Variants in EIF3I observed in about 807,000 individuals in gnomAD.
The protein encoded by EIF3I is TGF-beta receptor-interacting protein 1.
A neutral mutation model predicts 43.3 loss-of-function variants in EIF3I; 20 were observed. The observed-to-expected ratio is 0.46, with a 90% confidence interval of 0.32 to 0.67. The LOEUF (loss-of-function observed/expected upper bound fraction) is 0.67. EIF3I is among the 30% of genes least tolerant of loss of function. The probability of loss-of-function intolerance (pLI) is 0.03; values close to 1 mark genes in which losing one functional copy is unlikely to be tolerated. For missense variants in EIF3I, 279 were observed against 421.4 expected, an observed-to-expected ratio of 0.66 and a Z score of 2.96; for synonymous variants, 167 against 151.7, an observed-to-expected ratio of 1.10 and a Z score of -0.74.
At chr1:32,228,474 A>G (rs1471027530) in intron 6 of EIF3I, 25 bp from the exon 7 acceptor site, 1 of 1,596,582 alleles carries the variant, frequency 6.3e-7, no homozygotes, top group Non-Finnish European at 8.6e-7. Context: ...GGGCCCATTC[A>G]GTGTCACTCT....
intron 10 of EIF3I, 147 bp from the exon 10 acceptor site, chr1:32,230,780 C>T (rs879268488): frequency 4.8e-5 from 28 of 579,958 alleles, no homozygotes; most frequent in East Asian, 7.0e-5. Context: ...ACCGAGATTG[C>T]GCCACTGTAC....
At chr1:32,229,066 T>C in intron 8 of EIF3I, 69 bp from the exon 9 acceptor site, 3 of 1,511,650 alleles carry the variant, frequency 2.0e-6, no homozygotes, top group Non-Finnish European at 1.8e-6. Flanking sequence ...AAAATGTATA[T>C]GGCAGCAGAA....
chr1:32,228,528 G>A (rs2124265881), exon 7 of EIF3I: 2 of 1,614,156 alleles, frequency 1.2e-6, no homozygotes, highest in Non-Finnish European at 8.5e-7. Flanking sequence ...ATGTTAAGGA[G>A]CACTCCCGGC....
chr1:32,228,782 T>C, exon 8 of EIF3I: 1 of 1,614,140 alleles, frequency 6.2e-7, no homozygotes, highest in East Asian at 2.2e-5. Flanking sequence ...GAACGTCCTG[T>C]CAACTCAGCT....
downstream of EIF3I, chr1:32,231,652 C>T (rs1326778455): frequency 5.7e-6 from 1 of 175,090 alleles, no homozygotes; most frequent in African/African-American, 2.4e-5. Context: ...GACACCCCAG[C>T]AAGCTGATGC....
chr1:32,222,923 C>A (rs866277221), intron 2 of EIF3I, among the ~76,000 whole-genome samples: 2 of 152,210 alleles, frequency 1.3e-5, no homozygotes, highest in East Asian at 3.9e-4. Flanking sequence ...GTAGTAAGAC[C>A]CATCTCTACA....
intron 2 of EIF3I, 125 bp downstream of exon 2, chr1:32,222,755 C>T: frequency 1.1e-6 from 1 of 949,116 alleles, no homozygotes; most frequent in Non-Finnish European, 1.6e-6. Flanking sequence ...TAGGGAGAGG[C>T]CATGCCGGGG....
chr1:32,228,902 T>C (rs1639191187), intron 8 of EIF3I, 86 bp downstream of exon 8: 7 of 1,233,110 alleles, frequency 5.7e-6, no homozygotes, highest in Non-Finnish European at 8.2e-6. Context: ...GCTACAACAT[T>C]GTGGGGGAAA....
At chr1:32,229,358 T>C in intron 9 of EIF3I, 150 bp downstream of exon 9, 2 of 751,074 alleles carry the variant, frequency 2.7e-6, no homozygotes, top group Admixed American at 6.5e-5. Context: ...CCTCCCGGGT[T>C]GACGCCATTC....
chr1:32,232,894 G>A (rs185405513), downstream of EIF3I, among the ~76,000 whole-genome samples: 108 of 152,218 alleles, frequency 7.1e-4, 1 homozygote, highest in East Asian at 1.7e-3. Flanking sequence ...CTCCCTCCCC[G>A]CATCTCTCAA....
exon 10 of EIF3I, among the ~76,000 whole-genome samples, chr1:32,230,267 G>T (rs572428086): frequency 3.9e-4 from 59 of 151,916 alleles, no homozygotes; most frequent in East Asian, 1.4e-3. Flanking sequence ...TTGAGACAGG[G>T]TCTCACTCTG....
At chr1:32,231,382 T>G (rs372992925), downstream of EIF3I, 90 of 515,622 alleles carry the variant, frequency 1.7e-4, 1 homozygote, top group East Asian at 2.3e-3. Context: ...TCCCAGCTAC[T>G]CAGGAGGCTG....
intron 10 of EIF3I, 99 bp from the exon 10 acceptor site, chr1:32,230,824 AAAAT>A (rs1639223578): frequency 1.4e-5 from 12 of 869,952 alleles, no homozygotes; most frequent in Admixed American, 5.6e-5. Flanking sequence ...ACTCCATCTC[AAAAT>A]AAATAAATAA....
chr1:32,223,946 G>C (rs540331260), intron 2 of EIF3I, 88 bp from the exon 3 acceptor site: 1 of 1,167,638 alleles, frequency 8.6e-7, no homozygotes, highest in African/African-American at 1.5e-5. Context: ...AATCAGCCTT[G>C]CTACAGGCTG....
intron 4 of EIF3I, 33 bp downstream of exon 4, chr1:32,224,508 A>T (rs748238323): frequency 6.5e-7 from 1 of 1,545,006 alleles, no homozygotes; most frequent in South Asian, 1.1e-5. Context: ...TTTAGCAAAT[A>T]TTGAGGACCT....
At chr1:32,231,343 T>G, downstream of EIF3I, 1 of 672,906 alleles carries the variant, frequency 1.5e-6, no homozygotes, top group Non-Finnish European at 2.5e-6. Flanking sequence ...ATACAAAAAT[T>G]AGCCAGGCAT....
At chr1:32,223,705 C>T (rs189408682) in intron 2 of EIF3I, among the ~76,000 whole-genome samples, 1 of 152,328 alleles carries the variant, frequency 6.6e-6, no homozygotes, top group East Asian at 1.9e-4. Flanking sequence ...ACCAGCTGCT[C>T]CCACTTGGAT....
At chr1:32,228,789 A>G (rs764795061) in exon 8 of EIF3I, 1 of 1,614,088 alleles carries the variant, frequency 6.2e-7, no homozygotes. Context: ...CTGTCAACTC[A>G]GCTGCCCTCT....
chr1:32,233,984 G>A (rs1193552392), downstream of EIF3I: 4 of 152,062 alleles, frequency 2.6e-5, no homozygotes, highest in South Asian at 4.1e-4. Flanking sequence ...ACTTGAATTC[G>A]GGAAAGATGG....
Sources: allele counts gnomAD v4.1 joint callset (sites outside exome capture counted in the v4.1 genomes callset), GRCh38; gene constraint gnomAD v4.1.1; transcripts MANE v1.5; gene names NCBI Gene and HGNC (gene_info 2026-07-23, HGNC 2026-07-21).